Variants in OR51B5 observed in about 807,000 individuals in gnomAD.
OR51B5 encodes olfactory receptor family 51 subfamily B member 5.
For synonymous variants in OR51B5, 186 were observed against 144.8 expected, an observed-to-expected ratio of 1.28 and a Z score of -2.04; for missense variants, 456 against 374.6, an observed-to-expected ratio of 1.22 and a Z score of -1.79.
chr11:5,356,874 C>G (rs1020441634), intron 1 of OR51B5, among the ~76,000 whole-genome samples: 1 of 143,054 alleles, frequency 7.0e-6, no homozygotes, highest in Admixed American at 7.1e-5. Flanking sequence ...TCCAGCCAAA[C>G]TAAGCTTCAT....
At chr11:5,422,733 G>A (rs10838095) in intron 1 of OR51B5, 647,606 of 1,612,496 alleles carry the variant, frequency 0.4, 133,610 homozygotes, top group East Asian at 0.68. Context: ...CTTCTCTCTC[G>A]CTCCTATTGC....
intron 1 of OR51B5, among the ~76,000 whole-genome samples, chr11:5,446,338 C>T (rs1205799608): frequency 6.6e-6 from 1 of 151,864 alleles, no homozygotes; most frequent in Non-Finnish European, 1.5e-5. Context: ...ATAAAATATT[C>T]ATGGTAGAAT....
intron 1 of OR51B5, among the ~76,000 whole-genome samples, chr11:5,481,740 G>A (rs1432808862): frequency 8.8e-6 from 1 of 113,486 alleles, no homozygotes; most frequent in Admixed American, 8.9e-5. Context: ...AATCATGAGT[G>A]AACTCCCATT....
intron 1 of OR51B5, among the ~76,000 whole-genome samples, chr11:5,395,162 T>C (rs2133734845): frequency 6.6e-6 from 1 of 152,300 alleles, no homozygotes; most frequent in South Asian, 2.1e-4. Flanking sequence ...CTCTTTGACA[T>C]TCATCAAGTC....
chr11:5,354,444 CTGAAGAGATGTGA>C (rs1009366258), intron 1 of OR51B5, among the ~76,000 whole-genome samples: 2 of 151,818 alleles, frequency 1.3e-5, no homozygotes, highest in African/African-American at 4.8e-5. Flanking sequence ...CTTCCTTATA[CTGAAGAGATGTGA>C]TGAAGAGACA....
chr11:5,400,382 A>G (rs1349561494), intron 1 of OR51B5, among the ~76,000 whole-genome samples: 2 of 151,996 alleles, frequency 1.3e-5, no homozygotes, highest in East Asian at 1.9e-4. Flanking sequence ...TATTTTCTCC[A>G]TATTTTATTT....
chr11:5,408,748 TG>T (rs1850099800), intron 1 of OR51B5, among the ~76,000 whole-genome samples: 1 of 152,130 alleles, frequency 6.6e-6, no homozygotes, highest in South Asian at 2.1e-4. Context: ...CCTCAGTTAA[TG>T]AGAGTGACTC....
intron 1 of OR51B5, among the ~76,000 whole-genome samples, chr11:5,411,334 G>A (rs1191208825): frequency 6.6e-6 from 1 of 152,292 alleles, no homozygotes; most frequent in East Asian, 1.9e-4. Context: ...TTGTAGCCTA[G>A]GAGCAATAGG....
chr11:5,411,829 G>C (rs1850152918), intron 1 of OR51B5, among the ~76,000 whole-genome samples: 1 of 152,196 alleles, frequency 6.6e-6, no homozygotes. Flanking sequence ...GACTCAGCCT[G>C]AAGTTGCTGG....
At chr11:5,342,410 C>T (rs1293717388), downstream of OR51B5, 2 of 316,352 alleles carry the variant, frequency 6.3e-6, no homozygotes, top group Non-Finnish European at 9.1e-6. Context: ...TTTGTACAAA[C>T]TACATTTAGC....
At chr11:5,412,469 C>G (rs1483237772) in intron 1 of OR51B5, among the ~76,000 whole-genome samples, 1 of 152,138 alleles carries the variant, frequency 6.6e-6, no homozygotes, top group South Asian at 2.1e-4. Context: ...TACTGTGCGC[C>G]AGCCGAAGCA....
intron 1 of OR51B5, among the ~76,000 whole-genome samples, chr11:5,491,320 C>G (rs1851577931): frequency 6.6e-6 from 1 of 152,168 alleles, no homozygotes; most frequent in African/African-American, 2.4e-5. Context: ...GAAAAAGTAT[C>G]ACAAGTTCAT....
chr11:5,489,092 T>C, intron 1 of OR51B5: 1 of 1,614,018 alleles, frequency 6.2e-7, no homozygotes, highest in Non-Finnish European at 8.5e-7. Context: ...TATGTGGCTA[T>C]CTGTAACCCA....
At chr11:5,423,234 A>G (rs754357853) in intron 1 of OR51B5, 9 of 1,423,424 alleles carry the variant, frequency 6.3e-6, no homozygotes, top group Non-Finnish European at 8.3e-6. Context: ...GGAAACTATA[A>G]AATAAAACTT....
intron 1 of OR51B5, among the ~76,000 whole-genome samples, chr11:5,418,956 A>G (rs968146770): frequency 6.7e-6 from 1 of 150,024 alleles, no homozygotes; most frequent in African/African-American, 2.4e-5. Flanking sequence ...GTTTCTTGAT[A>G]TCGGTAATAG....
rs115614694 is a variant in OR51B5 at position 5,390,474 on chromosome 11, T to C, written n.85-43564A>G. The C allele has an allele frequency of 2.9e-3, 3,272 of 1,121,046 alleles. 58 individuals are homozygous for C. In the African/African-American group the frequency reaches 0.043, roughly 15 times the overall value. 69.4% of individuals were successfully genotyped at this position (1,121,046 alleles called of 1,614,324 possible). A position where few individuals can be genotyped will look rare whatever the true frequency, so the allele number is the denominator to read the frequency against. Reference sequence around the variant, plus strand: ...TGAGTATATAGCATGCTCTTAAAGATTTTTTGCCCCTGTCCTAAATAAAAT... The same window carrying C: ...TGAGTATATAGCATGCTCTTAAAGACTTTTTGCCCCTGTCCTAAATAAAAT... On this transcript the variant is annotated intron_variant and non_coding_transcript_variant, in intron 1 of 4. Coordinates refer to the OR51B5 transcript ENST00000415970.
rs757077684 is a variant in OR51B5 at position 5,422,230 on chromosome 11, A to C, written n.85-75320T>G. 51 of 1,612,718 alleles carry C rather than the reference A, an allele frequency of 3.2e-5. No homozygotes were observed. The highest frequency in any genetic ancestry group is 1.8e-4 in the Admixed American group (11 of 59,978). ...CCCAGGTGACTAACACCACACAAGA[A>C]GGCATCTACTTCATCCTCACGGACA... On this transcript the variant is annotated intron_variant and non_coding_transcript_variant, in intron 1 of 4. Coordinates refer to the OR51B5 transcript ENST00000415970.
chr11:5,382,120 T>A (rs1849617180), intron 1 of OR51B5, among the ~76,000 whole-genome samples: 1 of 152,232 alleles, frequency 6.6e-6, no homozygotes, highest in Non-Finnish European at 1.5e-5. Context: ...ATGTTTGACA[T>A]GTCATATAAA....
chr11:5,370,936 G>C (rs1309974924), intron 1 of OR51B5, among the ~76,000 whole-genome samples: 1 of 152,150 alleles, frequency 6.6e-6, no homozygotes. Flanking sequence ...TATTGGTCCT[G>C]GAGCTCTGGT....
Sources: gnomAD v4.1 joint callset for allele counts (sites outside exome capture counted in the v4.1 genomes callset) on GRCh38, gnomAD v4.1.1 for gene constraint, MANE v1.5 for transcripts, NCBI Gene and HGNC (gene_info 2026-07-23, HGNC 2026-07-21) for gene names.